CCDC73: variants seen among roughly 807,000 people sequenced by gnomAD.
CCDC73 encodes the protein coiled-coil domain containing 73.
Under a neutral mutation model 116.5 loss-of-function variants are expected in CCDC73, and 95 were observed. The ratio of observed to expected loss-of-function variants is 0.82; its 90% CI spans 0.69 to 0.97. The LOEUF is 0.97. Among genes scored for constraint, CCDC73 ranks in the 50% least tolerant of loss-of-function variants. The probability of loss-of-function intolerance (pLI) is 0.00; values close to 1 mark genes in which losing one functional copy is unlikely to be tolerated. For missense variants in CCDC73, 1,066 were observed against 1,206.8 expected (o/e 0.88, Z 1.73); for synonymous variants, 398 against 401.3 (o/e 0.99, Z 0.10).
At chr11:32,793,771 C>T (rs191498534) in intron 1 of CCDC73, among the ~76,000 whole-genome samples, 3,746 of 151,886 alleles carry the variant, frequency 0.025, 146 homozygotes, top group African/African-American at 0.084. Flanking sequence ...CCACCACGCC[C>T]GGCTAATTTT....
intron 2 of CCDC73, among the ~76,000 whole-genome samples, chr11:32,744,152 T>G (rs1850214019): frequency 6.6e-6 from 1 of 152,232 alleles, no homozygotes; most frequent in African/African-American, 2.4e-5. Context: ...CTTTTCTGCA[T>G]CTCTTGAGAT....
intron 2 of CCDC73, among the ~76,000 whole-genome samples, chr11:32,736,672 A>G (rs1466787749): frequency 2.0e-5 from 3 of 151,874 alleles, no homozygotes; most frequent in Non-Finnish European, 2.9e-5. Context: ...TATATACCCA[A>G]AGGATTATAA....
At chr11:32,760,730 T>C (rs1227890673) in intron 1 of CCDC73, among the ~76,000 whole-genome samples, 1 of 152,230 alleles carries the variant, frequency 6.6e-6, no homozygotes, top group Non-Finnish European at 1.5e-5. Flanking sequence ...AATATTTTTC[T>C]CAACCCAGAA....
chr11:32,818,045 C>T, the CCDC73 span, among the ~76,000 whole-genome samples: 1 of 152,236 alleles, frequency 6.6e-6, no homozygotes, highest in Non-Finnish European at 1.5e-5. Flanking sequence ...CTGTAATAGT[C>T]CTTTCACCTA....
In CCDC73 at chr11:32,724,272, A is replaced by C. The variant is rs1850013183; in HGVS notation, c.136-6125T>G. On this transcript the variant is annotated intron_variant, in intron 2 of 17. Transcript: ENST00000335185. Reference sequence around the variant, plus strand: ...TTTACTGCTAATTTAGAATTCAAAAATTTATTCTTTAGATAGTTAACAAAT... The same window carrying C: ...TTTACTGCTAATTTAGAATTCAAAACTTTATTCTTTAGATAGTTAACAAAT... 2.0e-5 allele frequency among the ~76,000 whole-genome samples: 3 copies of C among 152,120 alleles called. No homozygotes were observed. The South Asian group carries it at 6.2e-4, about 31-fold the overall frequency.
chr11:32,653,078 TAA>T (rs1565066996), intron 12 of CCDC73, 43 bp downstream of exon 12: 1 of 1,166,228 alleles, frequency 8.6e-7, no homozygotes. Context: ...GAAAATATAC[TAA>T]AACACAGATA....
At chr11:32,607,063 C>T (rs1334533317) in intron 17 of CCDC73, among the ~76,000 whole-genome samples, 7 of 143,020 alleles carry the variant, frequency 4.9e-5, no homozygotes, top group East Asian at 2.1e-4. Flanking sequence ...GAGCCCACCA[C>T]GCCCAGCCAA....
chr11:32,697,264 C>T (rs1270495513), intron 6 of CCDC73, among the ~76,000 whole-genome samples: 3 of 151,942 alleles, frequency 2.0e-5, no homozygotes, highest in Non-Finnish European at 2.9e-5. Context: ...CTTCATCATA[C>T]ATTTTCTAAG....
chr11:32,651,056 C>T (rs554879253), intron 12 of CCDC73, among the ~76,000 whole-genome samples: 2 of 152,258 alleles, frequency 1.3e-5, no homozygotes, highest in African/African-American at 4.8e-5. Flanking sequence ...CTAAGGGCCT[C>T]ATCACACAAC....
chr11:32,701,677 G>C (rs1849814181), intron 4 of CCDC73, among the ~76,000 whole-genome samples: 1 of 152,070 alleles, frequency 6.6e-6, no homozygotes, highest in Non-Finnish European at 1.5e-5. Context: ...TACAGGGCAA[G>C]ACTATCTCTA....
At chr11:32,711,772 A>G (rs1322311990) in intron 3 of CCDC73, among the ~76,000 whole-genome samples, 1 of 152,162 alleles carries the variant, frequency 6.6e-6, no homozygotes, top group African/African-American at 2.4e-5. Flanking sequence ...AAAAACAAAA[A>G]CAAAAACTTT....
intron 1 of CCDC73, among the ~76,000 whole-genome samples, chr11:32,790,696 T>C (rs1217675145): frequency 2.6e-5 from 4 of 152,060 alleles, no homozygotes; most frequent in African/African-American, 9.7e-5. Flanking sequence ...ATTATATATA[T>C]AAATTTTAGA....
intron 4 of CCDC73, among the ~76,000 whole-genome samples, 168 bp from the exon 5 acceptor site, chr11:32,700,994 G>GA (rs1385651693): frequency 1.3e-5 from 2 of 152,020 alleles, no homozygotes; most frequent in East Asian, 3.9e-4. Flanking sequence ...TATAAAACGA[G>GA]AAAAAAGCCA....
rs780198742 is a variant in CCDC73 at position 32,603,035 on chromosome 11, C to A, written c.3031-15G>T. 2.6e-6 allele frequency: 4 copies of A among 1,559,112 alleles called. No individual in the cohort carries two copies. Among genetic ancestry groups the A allele is most frequent in the South Asian group, 1.2e-5 (1 of 84,582 alleles). On this transcript the variant is annotated splice_polypyrimidine_tract_variant and intron_variant, in intron 17 of 17. Coordinates refer to ENST00000335185, the MANE Select transcript of CCDC73 (RefSeq NM_001008391.4). ...TTTGTTTTCACCTGGGAAAGATAAA[C>A]TAATTTTACCTTCGAAATTATTATA...
At chr11:32,707,598 T>C (rs1019132330) in intron 3 of CCDC73, among the ~76,000 whole-genome samples, 1 of 152,178 alleles carries the variant, frequency 6.6e-6, no homozygotes, top group Non-Finnish European at 1.5e-5. Context: ...TTCGACGTTC[T>C]AAAGATGTGG....
intron 13 of CCDC73, among the ~76,000 whole-genome samples, chr11:32,638,686 C>T (rs1165733837): frequency 2.7e-5 from 4 of 150,902 alleles, no homozygotes; most frequent in Non-Finnish European, 5.9e-5. Context: ...ACCGTGTTGG[C>T]CAGGATGGTC....
At chr11:32,624,440 C>T (rs1855550955) in intron 14 of CCDC73, among the ~76,000 whole-genome samples, 2 of 152,158 alleles carry the variant, frequency 1.3e-5, no homozygotes, top group Non-Finnish European at 1.5e-5. Flanking sequence ...TAGTCACAAA[C>T]ATACACAAAG....
chr11:32,755,536 A>ATATAT lies in CCDC73; in HGVS notation c.135+4572_135+4573insATATA, dbSNP rs1850325554. 3.0e-4 allele frequency among the ~76,000 whole-genome samples: 18 copies of ATATAT among 59,914 alleles called. 1 individual carries two copies. The highest frequency in any genetic ancestry group is 1.1e-3 in the African/African-American group (18 of 15,928). The allele number at this position is 59,914 out of a possible 152,430, so 39.3% of individuals were successfully genotyped here. On this transcript the variant is annotated intron_variant, in intron 2 of 17. Coordinates refer to ENST00000335185, the MANE Select transcript of CCDC73 (RefSeq NM_001008391.4). ...GTGACAAAGCAAGACTCCATCTCAA[A>ATATAT]ATATATATATATATATATATATATA... is the stretch of plus-strand genomic sequence containing the variant.
chr11:32,731,520 C>T (rs909960107), intron 2 of CCDC73, among the ~76,000 whole-genome samples: 4 of 152,166 alleles, frequency 2.6e-5, no homozygotes, highest in Non-Finnish European at 5.9e-5. Flanking sequence ...TCCCAGTAGG[C>T]GCTAACTGAC....
Sources: allele counts gnomAD v4.1 joint callset (sites outside exome capture counted in the v4.1 genomes callset), GRCh38; gene constraint gnomAD v4.1.1; transcripts MANE v1.5; gene names NCBI Gene and HGNC (gene_info 2026-07-23, HGNC 2026-07-21).